ARPC2: variants seen among roughly 807,000 people sequenced by gnomAD.
The protein encoded by ARPC2 is actin-related protein 2/3 complex subunit 2.
In ARPC2, 4 loss-of-function variants were observed where a neutral mutation model predicts 38.6. That is an observed-to-expected ratio of 0.10 (90% CI 0.05 to 0.24). ARPC2 has a LOEUF of 0.24. Among genes scored for constraint, ARPC2 ranks in the 10% least tolerant of loss-of-function variants. The probability of loss-of-function intolerance (pLI) is 1.00; values close to 1 mark genes in which losing one functional copy is unlikely to be tolerated. For missense variants in ARPC2, 229 were observed against 387.3 expected (o/e 0.59, Z 3.43); for synonymous variants, 125 against 140.8 (o/e 0.89, Z 0.79).
intron 10 of ARPC2, among the ~76,000 whole-genome samples, chr2:218,250,337 G>A (rs1251102739): frequency 1.3e-5 from 2 of 152,150 alleles, no homozygotes; most frequent in Non-Finnish European, 2.9e-5. Flanking sequence ...AAGTTTGCAT[G>A]CAGAGGAAGG....
intron 3 of ARPC2, among the ~76,000 whole-genome samples, chr2:218,227,319 A>G (rs1020500701): frequency 6.6e-6 from 1 of 152,250 alleles, no homozygotes; most frequent in African/African-American, 2.4e-5. Flanking sequence ...AACTCAAAAG[A>G]TAACCAAATG....
At chr2:218,229,966 G>A (rs1042799858) in intron 4 of ARPC2, among the ~76,000 whole-genome samples, 1 of 151,536 alleles carries the variant, frequency 6.6e-6, no homozygotes, top group Non-Finnish European at 1.5e-5. Flanking sequence ...TATTAAAGCA[G>A]CCCTGCCTCT....
Position 218,242,068 on chromosome 2 carries a change from G to A in ARPC2, c.549+2584G>A, listed in dbSNP as rs544168615. On this transcript the variant is annotated intron_variant, in intron 7 of 10. Coordinates refer to ENST00000315717, the MANE Select transcript of ARPC2 (RefSeq NM_152862.3). ...ATGGTCACTAGTCTACTTGTTGCCAGCCTTTGTGGCCTTTCCCTTCCAGCA... is the reference window on the plus strand; with the variant it reads ...ATGGTCACTAGTCTACTTGTTGCCAACCTTTGTGGCCTTTCCCTTCCAGCA... 2.0e-5 allele frequency among the ~76,000 whole-genome samples: 3 copies of A among 152,338 alleles called. No homozygotes were observed. In the East Asian group the frequency reaches 5.8e-4, roughly 29 times the overall value.
chr2:218,243,277 C>T (rs1227652869), intron 7 of ARPC2, among the ~76,000 whole-genome samples: 2 of 152,168 alleles, frequency 1.3e-5, no homozygotes, highest in African/African-American at 4.8e-5. Flanking sequence ...TTATTCCGAA[C>T]TTCCTATGAT....
At chr2:218,232,049 G>C (rs1228758849) in intron 4 of ARPC2, among the ~76,000 whole-genome samples, 1 of 152,162 alleles carries the variant, frequency 6.6e-6, no homozygotes, top group Non-Finnish European at 1.5e-5. Context: ...AGCCCAGCCT[G>C]GGCAACATGG....
intron 8 of ARPC2, among the ~76,000 whole-genome samples, chr2:218,249,151 C>G (rs1240914095): frequency 1.3e-5 from 2 of 152,146 alleles, no homozygotes; most frequent in Admixed American, 1.3e-4. Flanking sequence ...TGTTTTTCAT[C>G]GTGGGCTCCT....
At chr2:218,231,393 A>G (rs1689629986) in intron 4 of ARPC2, among the ~76,000 whole-genome samples, 1 of 152,180 alleles carries the variant, frequency 6.6e-6, no homozygotes, top group Non-Finnish European at 1.5e-5. Context: ...TTAACTTAGT[A>G]AGCTTGAAAT....
intron 5 of ARPC2, chr2:218,234,906 T>C: frequency 4.4e-6 from 2 of 456,628 alleles, no homozygotes; most frequent in East Asian, 1.4e-4. Context: ...CACCGTGTCA[T>C]CCTTGAATAG....
chr2:218,234,469 A>G, intron 5 of ARPC2, 72 bp downstream of exon 5: 4 of 1,198,992 alleles, frequency 3.3e-6, no homozygotes, highest in Non-Finnish European at 3.6e-6. Flanking sequence ...TGCTTTTTTT[A>G]CCCAAAGGAT....
At chr2:218,245,368 C>G (rs1690006791) in intron 7 of ARPC2, 52 bp from the exon 8 acceptor site, 1 of 1,610,688 alleles carries the variant, frequency 6.2e-7, no homozygotes, top group Middle Eastern at 1.9e-4. Flanking sequence ...CTTGAGTTGC[C>G]ACTCATCTTA....
At chr2:218,235,642 C>T (rs1197844883) in intron 5 of ARPC2, 2 of 152,118 alleles carry the variant, frequency 1.3e-5, no homozygotes, top group Non-Finnish European at 2.9e-5. Context: ...AAATCATGTC[C>T]AAAGTCTTGG....
Position 218,234,548 on chromosome 2 carries a change from T to C in ARPC2, c.268+151T>C, listed in dbSNP as rs144400769. 87 of 651,458 alleles carry C rather than the reference T, an allele frequency of 1.3e-4. No individual in the cohort carries two copies. In the East Asian group the frequency reaches 2.2e-3, roughly 17 times the overall value. 40.4% of individuals were successfully genotyped at this position (651,458 alleles called of 1,614,324 possible). ...CTAATTTCAACTCCGTCCATAAAAA[T>C]AGCTTTTAAGGGGCTTTGCTTTGTC... On this transcript the variant is annotated intron_variant, in intron 5 of 10. Transcript: ENST00000315717.
At chr2:218,246,752 C>G (rs963509083) in intron 8 of ARPC2, among the ~76,000 whole-genome samples, 1 of 152,104 alleles carries the variant, frequency 6.6e-6, no homozygotes, top group East Asian at 1.9e-4. Flanking sequence ...GAGCAGATCA[C>G]TTGAGGTCAG....
chr2:218,226,692 G>T (rs1689505705), intron 3 of ARPC2, among the ~76,000 whole-genome samples: 1 of 149,994 alleles, frequency 6.7e-6, no homozygotes, highest in Admixed American at 6.6e-5. Context: ...GTCTTTTTGA[G>T]CTCTTTATAA....
At chr2:218,223,556 AT>A (rs1317877473) in intron 2 of ARPC2, among the ~76,000 whole-genome samples, 2 of 152,172 alleles carry the variant, frequency 1.3e-5, no homozygotes, top group Non-Finnish European at 1.5e-5. Flanking sequence ...CTTGGAACAT[AT>A]CCCCCACAGA....
chr2:218,221,154 A>C (rs2106142458), intron 2 of ARPC2, among the ~76,000 whole-genome samples: 1 of 152,338 alleles, frequency 6.6e-6, no homozygotes, highest in Non-Finnish European at 1.5e-5. Flanking sequence ...ATTCTGTCAG[A>C]TGCAAATTGC....
intron 7 of ARPC2, among the ~76,000 whole-genome samples, chr2:218,239,817 T>G (rs1272202449): frequency 6.6e-6 from 1 of 152,050 alleles, no homozygotes; most frequent in Non-Finnish European, 1.5e-5. Context: ...GGTCTCAAAC[T>G]GCCGACCTCA....
In ARPC2 at chr2:218,219,434, C is replaced by T. The variant is rs1027936186; in HGVS notation, c.74+1890C>T. Among the ~76,000 whole-genome samples, 9 of 151,924 alleles carry T rather than the reference C, an allele frequency of 5.9e-5. 1 individual carries two copies. In the South Asian group the frequency reaches 1.7e-3, roughly 28 times the overall value. On this transcript the variant is annotated intron_variant, in intron 2 of 10. Coordinates refer to ENST00000315717, the MANE Select transcript of ARPC2 (RefSeq NM_152862.3). ...GCGCGATCTCTGCTCACTGCAACCT[C>T]GCCCTCCCAGGCTCAAGTGAGTCTC...
At chr2:218,224,770 T>A (rs879867734) in intron 2 of ARPC2, among the ~76,000 whole-genome samples, 5 of 152,252 alleles carry the variant, frequency 3.3e-5, no homozygotes, top group Non-Finnish European at 7.3e-5. Context: ...AGGGCTAGCA[T>A]GCTTCATAGA....
Sources: allele counts gnomAD v4.1 joint callset (sites outside exome capture counted in the v4.1 genomes callset), GRCh38; gene constraint gnomAD v4.1.1; transcripts MANE v1.5; gene names NCBI Gene and HGNC (gene_info 2026-07-23, HGNC 2026-07-21).